The following MED13 variants were observed in gnomAD, a reference collection of about 807,000 sequenced individuals.
The protein encoded by MED13 is mediator of RNA polymerase II transcription subunit 13.
MED13 carries 23 observed loss-of-function variants against 225.2 expected under a neutral mutation model. The observed-to-expected ratio is 0.10, with a 90% CI of 0.07 to 0.14. The LOEUF is 0.14. MED13 is among the 10% of genes least tolerant of loss of function. The pLI is 1.00. For missense variants in MED13, 2,197 were observed against 2,594.5 expected, an observed-to-expected ratio of 0.85 and a Z score of 3.33; for synonymous variants, 942 against 889.2, an observed-to-expected ratio of 1.06 and a Z score of -1.06.
In MED13 at chr17:61,950,973, G is replaced by A. The variant is rs771457535; in HGVS notation, c.6143C>T (p.Ser2048Leu). Residue 2048 changes from serine (S) to leucine (L), a missense_variant, in exon 28 of 30, where the codon TCA becomes TTA. By Grantham distance (145) the Ser-to-Leu change is moderately radical. Around this residue, in one of 12 missense-constraint regions of MED13, gnomAD observed 216 missense variants for 388.9 expected, o/e 0.56. Coordinates refer to ENST00000397786, the MANE Select transcript of MED13 (RefSeq NM_005121.3). ...AGGTACTTCCTCATGAGGTTCTGTT[G>A]ATAGTAGCCGATCAGTACTCTGACC... ...GKGQSTDRLL[S>L]TEPHEEVPNI... 1 of 1,613,502 alleles carries A rather than the reference G, an allele frequency of 6.2e-7. No individual in the cohort carries two copies. Among genetic ancestry groups the A allele is most frequent in the Non-Finnish European group, 8.5e-7 (1 of 1,179,656 alleles).
At chr17:62,042,757 C>T (rs1297824590) in intron 3 of MED13, among the ~76,000 whole-genome samples, 1 of 151,782 alleles carries the variant, frequency 6.6e-6, no homozygotes, top group Non-Finnish European at 1.5e-5. Flanking sequence ...CATAATCTAC[C>T]TCATATTTTT....
At chr17:62,038,840 T>TC (rs1358148620) in intron 3 of MED13, among the ~76,000 whole-genome samples, 1 of 149,040 alleles carries the variant, frequency 6.7e-6, no homozygotes, top group South Asian at 2.1e-4. Flanking sequence ...ATTTTTTTTT[T>TC]CCCCCTAGGG....
Position 61,956,367 on chromosome 17 carries a change from T to C in MED13, c.5595A>G (p.Leu1865=). The change falls in exon 24 of 30, where the codon CTA becomes CTG. Residue 1865 remains leucine (L), a synonymous_variant. Transcript: ENST00000397786. ...SLPWRVVIGR[L]GRIGHGELKD... The stretch of plus-strand genomic sequence containing the variant: ...TCAATTCTCCATGACCAATCCTTCC[T>C]AGACGACCAATTACAACTCTCCATG... 1 of 1,613,846 alleles carries C rather than the reference T, an allele frequency of 6.2e-7. No homozygotes were observed. Among genetic ancestry groups the C allele is most frequent in the Non-Finnish European group, 8.5e-7 (1 of 1,179,918 alleles).
intron 29 of MED13, 90 bp from the exon 30 acceptor site, chr17:61,946,690 G>A: frequency 6.7e-7 from 1 of 1,481,798 alleles, no homozygotes; most frequent in Non-Finnish European, 9.2e-7. Context: ...AAGACTCAAA[G>A]TCACCTTAAA....
chr17:62,047,019 G>A (rs2080903694), intron 3 of MED13, among the ~76,000 whole-genome samples: 1 of 144,442 alleles, frequency 6.9e-6, no homozygotes, highest in South Asian at 2.3e-4. Context: ...CAGAGTGTGT[G>A]CCACTGTGCC....
rs2080496615 is a variant in MED13 at position 62,010,537 on chromosome 17, A to G, written c.1967+13T>C. On this transcript the variant is annotated intron_variant, in intron 9 of 29. Coordinates refer to ENST00000397786, the MANE Select transcript of MED13 (RefSeq NM_005121.3). The stretch of plus-strand genomic sequence containing the variant: ...CTTAAATTATAATGGTGACTATTAA[A>G]AAAAATACATACTCTGTAACTGATG... 1 of 1,407,668 alleles carries G rather than the reference A, an allele frequency of 7.1e-7. No individual in the cohort carries two copies. Among genetic ancestry groups the G allele is most frequent in the African/African-American group, 1.4e-5 (1 of 69,448 alleles). 87.2% of individuals were successfully genotyped at this position (1,407,668 alleles called of 1,614,324 possible).
chr17:61,995,422 A>T, intron 9 of MED13, 57 bp from the exon 10 acceptor site: 1 of 1,254,098 alleles, frequency 8.0e-7, no homozygotes, highest in Non-Finnish European at 1.1e-6. Context: ...AAATTTCCAA[A>T]ATGACGTTAA....
chr17:62,057,392 G>T (rs1408891943), intron 2 of MED13, among the ~76,000 whole-genome samples: 12 of 152,062 alleles, frequency 7.9e-5, no homozygotes, highest in Non-Finnish European at 4.4e-5. Context: ...TGAAAACTTA[G>T]AAGATACACT....
At chr17:62,006,350 GAA>G (rs1015315231) in intron 9 of MED13, 1 of 150,178 alleles carries the variant, frequency 6.7e-6, no homozygotes, top group African/African-American at 2.4e-5. Flanking sequence ...ACAAAAGTGA[GAA>G]AAAGAGCTGA....
At chr17:61,953,735 T>C (rs572164421) in intron 26 of MED13, among the ~76,000 whole-genome samples, 88 of 152,352 alleles carry the variant, frequency 5.8e-4, no homozygotes, top group Middle Eastern at 6.8e-3. Context: ...AGCCACTAAA[T>C]GTGTAGTACT....
At chr17:62,041,617 C>T (rs759364931) in intron 3 of MED13, among the ~76,000 whole-genome samples, 6 of 152,024 alleles carry the variant, frequency 3.9e-5, no homozygotes, top group Non-Finnish European at 8.8e-5. Flanking sequence ...TGCTCTGTCA[C>T]TCAGGCTGGA....
intron 2 of MED13, among the ~76,000 whole-genome samples, chr17:62,058,611 A>G (rs564410480): frequency 1.3e-5 from 2 of 152,274 alleles, no homozygotes; most frequent in Non-Finnish European, 2.9e-5. Context: ...GTATCAAAAC[A>G]TATCGACCCC....
In MED13 at chr17:61,981,634, T is replaced by C. The variant is rs148297030; in HGVS notation, c.3805+564A>G. Among the ~76,000 whole-genome samples, 950 of 152,366 alleles carry C rather than the reference T, an allele frequency of 6.2e-3. 10 individuals carry two copies. Among genetic ancestry groups the C allele is most frequent in the Non-Finnish European group, 7.6e-3 (518 of 68,038 alleles). The stretch of plus-strand genomic sequence containing the variant: ...ACTACATAGCTCATATTCTATGTTA[T>C]GTAGGAGTTTTCCCATATGCTATCT... On this transcript the variant is annotated intron_variant, in intron 16 of 29. Transcript: ENST00000397786.
At chr17:61,970,027 C>A (rs2080093339) in intron 17 of MED13, among the ~76,000 whole-genome samples, 1 of 152,128 alleles carries the variant, frequency 6.6e-6, no homozygotes, top group Admixed American at 6.5e-5. Context: ...TGCTCTTTCT[C>A]ATTAAAAAAG....
intron 27 of MED13, among the ~76,000 whole-genome samples, chr17:61,951,624 C>A (rs1308833709): frequency 2.0e-5 from 3 of 151,942 alleles, no homozygotes; most frequent in Non-Finnish European, 4.4e-5. Context: ...TAGGGTATAG[C>A]AAAAATGCAA....
chr17:62,037,955 CAAAAAAAAAAAAAAAAA>C (rs397857634), intron 3 of MED13, among the ~76,000 whole-genome samples: 4 of 64,728 alleles, frequency 6.2e-5, no homozygotes, highest in Middle Eastern at 0.012. Context: ...GACTTCATCT[CAAAAAAAAAAAAAAAAA>C]AAAAAAAAAA....
chr17:62,039,974 G>A (rs1028790626), intron 3 of MED13, among the ~76,000 whole-genome samples: 2 of 151,914 alleles, frequency 1.3e-5, no homozygotes, highest in Admixed American at 6.6e-5. Flanking sequence ...AGGCACAGTC[G>A]CGGAGCACTA....
intron 3 of MED13, among the ~76,000 whole-genome samples, chr17:62,047,315 G>A (rs1450919238): frequency 6.6e-6 from 1 of 152,116 alleles, no homozygotes; most frequent in Non-Finnish European, 1.5e-5. Context: ...AGGTTGCAGT[G>A]AGCTGAAATC....
chr17:62,025,621 G>T (rs1940738736), intron 8 of MED13, among the ~76,000 whole-genome samples: 2 of 150,856 alleles, frequency 1.3e-5, no homozygotes, highest in South Asian at 4.2e-4. Flanking sequence ...AGTGAGCCGA[G>T]ATCACACCAT....
Sources: allele counts gnomAD v4.1 joint callset (sites outside exome capture counted in the v4.1 genomes callset), GRCh38; gene constraint gnomAD v4.1.1; regional missense constraint gnomAD v4.1.1; transcripts MANE v1.5; gene names NCBI Gene and HGNC (gene_info 2026-07-23, HGNC 2026-07-21).